The following JMJD1C variants were observed in gnomAD, a reference collection of about 807,000 sequenced individuals.
JMJD1C encodes jumonji domain-containing protein 1C.
JMJD1C carries 31 observed loss-of-function variants against 245.3 expected under a neutral mutation model. That is an observed-to-expected ratio of 0.13 (90% CI 0.09 to 0.17). The LOEUF (loss-of-function observed/expected upper bound fraction) is 0.17, where lower values mean the gene tolerates loss of function less well. Among genes scored for constraint, JMJD1C ranks in the 10% least tolerant of loss-of-function variants. JMJD1C has a pLI of 1.00. For missense variants in JMJD1C, 2,691 were observed against 3,000.2 expected, an observed-to-expected ratio of 0.90 and a Z score of 2.41; for synonymous variants, 1,057 against 1,017.4, an observed-to-expected ratio of 1.04 and a Z score of -0.74.
chr10:63,252,359 TGAGTAAAGCA>T (rs1853208419), intron 3 of JMJD1C, among the ~76,000 whole-genome samples: 1 of 152,192 alleles, frequency 6.6e-6, no homozygotes, highest in African/African-American at 2.4e-5. Flanking sequence ...CAGCAGACTC[TGAGTAAAGCA>T]GATTACCCCT....
chr10:63,314,146 A>G (rs1939615639), intron 2 of JMJD1C, among the ~76,000 whole-genome samples: 1 of 152,322 alleles, frequency 6.6e-6, no homozygotes, highest in East Asian at 1.9e-4. Context: ...GTGACTTGCC[A>G]ATTCTCCCAG....
intron 2 of JMJD1C, among the ~76,000 whole-genome samples, chr10:63,323,526 A>G (rs1941159014): frequency 7.2e-5 from 11 of 152,282 alleles, no homozygotes; most frequent in Admixed American, 6.5e-4. Flanking sequence ...TCAAAAAAAG[A>G]AAGGGGGGAA....
chr10:63,390,145 A>G (rs1947937931), intron 1 of JMJD1C, among the ~76,000 whole-genome samples: 1 of 152,184 alleles, frequency 6.6e-6, no homozygotes, highest in Non-Finnish European at 1.5e-5. Flanking sequence ...TGTTGAGAAT[A>G]AACAACAAAA....
At chr10:63,432,782 C>T (rs1950837207) in intron 1 of JMJD1C, among the ~76,000 whole-genome samples, 1 of 152,164 alleles carries the variant, frequency 6.6e-6, no homozygotes, top group Admixed American at 6.5e-5. Flanking sequence ...CCATAAGAAG[C>T]ATACAACATT....
chr10:63,363,474 C>T (rs1945578342), intron 2 of JMJD1C, among the ~76,000 whole-genome samples: 1 of 151,460 alleles, frequency 6.6e-6, no homozygotes, highest in African/African-American at 2.4e-5. Context: ...CCCAGGCTGG[C>T]TGAGAACTCA....
chr10:63,250,456 G>C (rs2133617801), intron 3 of JMJD1C, among the ~76,000 whole-genome samples: 1 of 152,190 alleles, frequency 6.6e-6, no homozygotes, highest in Admixed American at 6.5e-5. Context: ...CTGGTAGTGG[G>C]TATCACTAAT....
At chr10:63,170,542 A>G (rs1214026550) in intron 24 of JMJD1C, among the ~76,000 whole-genome samples, 1 of 152,236 alleles carries the variant, frequency 6.6e-6, no homozygotes, top group Non-Finnish European at 1.5e-5. Context: ...TACCTAACAG[A>G]GATTTCCTTA....
intron 2 of JMJD1C, among the ~76,000 whole-genome samples, chr10:63,327,004 C>A (rs1363666751): frequency 6.6e-6 from 1 of 151,944 alleles, no homozygotes; most frequent in Non-Finnish European, 1.5e-5. Flanking sequence ...CTAGGCAACA[C>A]AGTGAGACCC....
chr10:63,374,544 G>T (rs993363022), intron 2 of JMJD1C, among the ~76,000 whole-genome samples: 7 of 152,172 alleles, frequency 4.6e-5, no homozygotes, highest in Non-Finnish European at 1.0e-4. Context: ...TCAGGAGATA[G>T]ATTTTTGTGG....
chr10:63,473,405 C>G (rs1953555992), intron 1 of JMJD1C, among the ~76,000 whole-genome samples: 2 of 151,972 alleles, frequency 1.3e-5, no homozygotes, highest in South Asian at 2.1e-4. Flanking sequence ...AGCACCACAC[C>G]TGGCTAATTT....
In JMJD1C at chr10:63,481,440, TTGC is replaced by T. The variant is rs1334253339; in HGVS notation, n.113+40295_113+40297del. Among the ~76,000 whole-genome samples the T allele has an allele frequency of 2.0e-5, 3 of 152,324 alleles. No homozygotes were observed. In the East Asian group the frequency reaches 5.8e-4, roughly 29 times the overall value. ...TTTTATGAAAAACTGATTTTTTTTT[TTGC>T]TTTTTTTTCCTTTTAAAAATATGAG... On this transcript the variant is annotated intron_variant and non_coding_transcript_variant, in intron 1 of 3. Transcript: ENST00000633035.
At chr10:63,471,562 T>C (rs1390827419) in intron 1 of JMJD1C, among the ~76,000 whole-genome samples, 1 of 152,236 alleles carries the variant, frequency 6.6e-6, no homozygotes, top group Non-Finnish European at 1.5e-5. Context: ...CAGCATATGC[T>C]ATTTCTCAAA....
intron 1 of JMJD1C, among the ~76,000 whole-genome samples, chr10:63,416,239 G>GA (rs1054065835): frequency 2.6e-5 from 4 of 151,552 alleles, no homozygotes; most frequent in African/African-American, 9.7e-5. Flanking sequence ...CATGATCATG[G>GA]AAAAAATAAC....
At chr10:63,268,110 T>A (rs1855843912) in intron 2 of JMJD1C, among the ~76,000 whole-genome samples, 1 of 63,176 alleles carries the variant, frequency 1.6e-5, no homozygotes. Context: ...AGTTAACAAT[T>A]CCAAGTTAAA....
chr10:63,200,384 C>T, intron 11 of JMJD1C, 92 bp downstream of exon 11: 1 of 893,752 alleles, frequency 1.1e-6, no homozygotes, highest in Non-Finnish European at 1.8e-6. Flanking sequence ...GACTTACTCC[C>T]CCATCCAAAA....
intron 3 of JMJD1C, chr10:63,222,610 C>T (rs1848732774): frequency 1.9e-6 from 3 of 1,595,804 alleles, no homozygotes; most frequent in East Asian, 2.2e-5. Context: ...ATTGTCGAAA[C>T]TCACATGCTG....
At chr10:63,242,375 T>C (rs1022136520) in intron 3 of JMJD1C, among the ~76,000 whole-genome samples, 2 of 152,216 alleles carry the variant, frequency 1.3e-5, no homozygotes, top group African/African-American at 2.4e-5. Context: ...TACGTTTAAA[T>C]AGCCACATAT....
At chr10:63,176,578 G>A in intron 23 of JMJD1C, 105 bp from the exon 24 acceptor site, 1 of 811,000 alleles carries the variant, frequency 1.2e-6, no homozygotes, top group Non-Finnish European at 1.9e-6. Flanking sequence ...TTTCTTCTCA[G>A]AATCAATGGA....
intron 2 of JMJD1C, among the ~76,000 whole-genome samples, chr10:63,305,683 T>TGTGTGTGTGTGTGTG (rs71025152): frequency 9.2e-4 from 134 of 146,442 alleles, no homozygotes; most frequent in Middle Eastern, 3.5e-3. Flanking sequence ...TGTGTGTGTG[T>TGTGTGTGTGTGTGTG]TGAAAGATCT....
Sources: gnomAD v4.1 joint callset for allele counts (sites outside exome capture counted in the v4.1 genomes callset) on GRCh38, gnomAD v4.1.1 for gene constraint, MANE v1.5 for transcripts, NCBI Gene and HGNC (gene_info 2026-07-23, HGNC 2026-07-21) for gene names.